Variants in ASCC1 observed in about 807,000 individuals in gnomAD.
The protein encoded by ASCC1 is ASC-1 complex subunit P50.
Under a neutral mutation model 46.6 loss-of-function variants are expected in ASCC1, and 35 were observed. The observed-to-expected ratio is 0.75, with a 90% CI of 0.57 to 0.99. The LOEUF (loss-of-function observed/expected upper bound fraction) is 0.99, where lower values mean the gene tolerates loss of function less well. Among genes scored for constraint, ASCC1 ranks in the 50% least tolerant of loss-of-function variants. ASCC1 has a pLI of 0.00. For missense variants in ASCC1, 376 were observed against 428.7 expected, an observed-to-expected ratio of 0.88 and a Z score of 1.09; for synonymous variants, 143 against 146.6, an observed-to-expected ratio of 0.98 and a Z score of 0.18.
rs114613748 is a variant in ASCC1 at position 72,202,091 on chromosome 10, A to G, written c.310+1336T>C. Among the ~76,000 whole-genome samples the G allele has an allele frequency of 5.0e-3, 767 of 152,306 alleles. 8 individuals carry two copies. Among genetic ancestry groups the G allele is most frequent in the African/African-American group, 0.018 (737 of 41,562 alleles). On this transcript the variant is annotated intron_variant, in intron 4 of 9. Transcript: ENST00000672957. ...ATGGTGAAATCCTGTCTGGATAAAA[A>G]ATAAATAAAAATTTTTAAATGAAAA... is the stretch of plus-strand genomic sequence containing the variant.
intron 7 of ASCC1, among the ~76,000 whole-genome samples, chr10:72,136,329 A>G (rs1846192727): frequency 6.6e-6 from 1 of 152,172 alleles, no homozygotes; most frequent in Non-Finnish European, 1.5e-5. Context: ...AAACGCACCA[A>G]TCAGCACTCT....
At chr10:72,190,537 G>C in intron 5 of ASCC1, 1 of 1,522,032 alleles carries the variant, frequency 6.6e-7, no homozygotes, top group African/African-American at 1.4e-5. Context: ...GGGCAGCTTG[G>C]AGAAGGCGCA....
rs184407114 is a variant in ASCC1 at position 72,122,141 on chromosome 10, C to T, written c.957+5941G>A. Among the ~76,000 whole-genome samples the T allele has an allele frequency of 8.9e-4, 136 of 152,308 alleles. 2 individuals are homozygous for T. Among genetic ancestry groups the T allele is most frequent in the African/African-American group, 3.2e-3 (132 of 41,550 alleles). Reference sequence around the variant, plus strand: ...GTGGAAATTAAACCACACACTTCAGCCAGGCGCAGCGGCTCACGCCTGTAA... The same window carrying T: ...GTGGAAATTAAACCACACACTTCAGTCAGGCGCAGCGGCTCACGCCTGTAA... On this transcript the variant is annotated intron_variant, in intron 9 of 9. Transcript: ENST00000672957.
chr10:72,138,638 C>T (rs1035422032), intron 7 of ASCC1, among the ~76,000 whole-genome samples: 110 of 126,832 alleles, frequency 8.7e-4, no homozygotes, highest in South Asian at 1.8e-3. Flanking sequence ...TGGAGTCACT[C>T]TGTCACCTAG....
intron 5 of ASCC1, among the ~76,000 whole-genome samples, chr10:72,192,049 A>G (rs1026157871): frequency 6.6e-6 from 1 of 152,130 alleles, no homozygotes; most frequent in Non-Finnish European, 1.5e-5. Context: ...AAAGACACGA[A>G]TAAGAGAATG....
chr10:72,188,415 G>A (rs971193698), intron 5 of ASCC1, among the ~76,000 whole-genome samples: 9 of 151,898 alleles, frequency 5.9e-5, no homozygotes, highest in African/African-American at 1.7e-4. Flanking sequence ...CACCACGCCC[G>A]ACCTGGTTTC....
chr10:72,103,008 G>A (rs1362856311), intron 9 of ASCC1: 3 of 444,658 alleles, frequency 6.7e-6, no homozygotes, highest in African/African-American at 6.1e-5. Context: ...AAGTGAACTA[G>A]AAATATGTAG....
intron 9 of ASCC1, among the ~76,000 whole-genome samples, chr10:72,117,689 C>T (rs1166025104): frequency 6.6e-6 from 1 of 152,178 alleles, no homozygotes; most frequent in Non-Finnish European, 1.5e-5. Flanking sequence ...ATCTGTTTCA[C>T]TAACAATTGT....
chr10:72,200,476 C>T (rs1014507842), intron 4 of ASCC1, among the ~76,000 whole-genome samples: 1 of 151,826 alleles, frequency 6.6e-6, no homozygotes, highest in African/African-American at 2.4e-5. Flanking sequence ...TGGAGAAACC[C>T]CATCTCTACT....
chr10:72,182,049 A>C (rs1852706236), intron 5 of ASCC1, among the ~76,000 whole-genome samples: 1 of 152,206 alleles, frequency 6.6e-6, no homozygotes, highest in Non-Finnish European at 1.5e-5. Context: ...AGGAAAGAAA[A>C]GACATTCGAG....
At chr10:72,155,323 T>G (rs574062448) in intron 6 of ASCC1, among the ~76,000 whole-genome samples, 1 of 152,308 alleles carries the variant, frequency 6.6e-6, no homozygotes, top group South Asian at 2.1e-4. Flanking sequence ...GTGTATATAC[T>G]AAATAATTCT....
intron 4 of ASCC1, among the ~76,000 whole-genome samples, chr10:72,203,213 G>A (rs1266202307): frequency 6.7e-6 from 1 of 149,250 alleles, no homozygotes; most frequent in Non-Finnish European, 1.5e-5. Flanking sequence ...TTGATTCCGG[G>A]AGGCGGAGGT....
intron 3 of ASCC1, among the ~76,000 whole-genome samples, chr10:72,206,272 C>T (rs946405542): frequency 2.0e-5 from 3 of 151,874 alleles, no homozygotes; most frequent in East Asian, 1.9e-4. Context: ...GGCATGGTGG[C>T]GCATGCCTAT....
At chr10:72,141,346 T>C (rs373091928) in intron 7 of ASCC1, among the ~76,000 whole-genome samples, 2 of 152,304 alleles carry the variant, frequency 1.3e-5, no homozygotes, top group East Asian at 3.9e-4. Context: ...CAACCCACAG[T>C]ATTCTCTATT....
In ASCC1 at chr10:72,096,128, G is replaced by A. The variant is rs1417939958; in HGVS notation, c.*1206C>T. On this transcript the variant is annotated 3_prime_UTR_variant, in exon 10 of 10. Transcript: ENST00000672957. ...TCACAATGTAGCAACTTAACACAGA[G>A]TTCAGAAGTGCAGTTAAAGAATATA... 2.2e-6 allele frequency: 1 copy of A among 454,116 alleles called. No individual in the cohort carries two copies. Among genetic ancestry groups the A allele is most frequent in the African/African-American group, 2.0e-5 (1 of 50,116 alleles). 28.1% of individuals were successfully genotyped at this position (454,116 alleles called of 1,614,324 possible). A position where few individuals can be genotyped will look rare whatever the true frequency, so the allele number is the denominator to read the frequency against.
intron 5 of ASCC1, among the ~76,000 whole-genome samples, chr10:72,187,789 TA>T (rs1853720312): frequency 6.8e-6 from 1 of 147,080 alleles, no homozygotes; most frequent in Non-Finnish European, 1.5e-5. Context: ...TGATTAAACT[TA>T]TTAAAACTGA....
chr10:72,191,232 T>C (rs1315042807), intron 5 of ASCC1, among the ~76,000 whole-genome samples: 2 of 146,640 alleles, frequency 1.4e-5, no homozygotes, highest in African/African-American at 5.2e-5. Flanking sequence ...TAATTTTTTT[T>C]TTTTTTGTAT....
chr10:72,098,566 G>A (rs987935203), intron 9 of ASCC1, among the ~76,000 whole-genome samples: 4 of 152,160 alleles, frequency 2.6e-5, no homozygotes, highest in African/African-American at 4.8e-5. Flanking sequence ...GATGCCTGAG[G>A]GGACCTTTGC....
chr10:72,205,752 C>T (rs1353257849), intron 3 of ASCC1, among the ~76,000 whole-genome samples: 2 of 152,010 alleles, frequency 1.3e-5, no homozygotes, highest in South Asian at 2.1e-4. Flanking sequence ...GCAGAGATCG[C>T]ACCACTGCAT....
Sources: allele counts gnomAD v4.1 joint callset (sites outside exome capture counted in the v4.1 genomes callset), GRCh38; gene constraint gnomAD v4.1.1; transcripts MANE v1.5; gene names NCBI Gene and HGNC (gene_info 2026-07-23, HGNC 2026-07-21).